Variants in COL26A1 observed in about 807,000 individuals in gnomAD.
COL26A1 encodes collagen type XXVI alpha 1 chain, also known as collagen alpha-1(XXVI) chain.
COL26A1 carries 41 observed loss-of-function variants against 59.3 expected under a neutral mutation model. The ratio of observed to expected loss-of-function variants is 0.69; its 90% CI spans 0.54 to 0.90. The LOEUF (loss-of-function observed/expected upper bound fraction) is 0.90. Ranked by LOEUF, COL26A1 falls within the 40% of genes least tolerant of loss-of-function variation. The probability of loss-of-function intolerance (pLI) is 0.00; values close to 1 mark genes in which losing one functional copy is unlikely to be tolerated. For missense variants in COL26A1, 612 were observed against 602.3 expected (o/e 1.02, Z -0.17); for synonymous variants, 266 against 256.0 (o/e 1.04, Z -0.37).
At chr7:101,436,454 G>A (rs1351320460) in intron 2 of COL26A1, among the ~76,000 whole-genome samples, 1 of 152,116 alleles carries the variant, frequency 6.6e-6, no homozygotes, top group Non-Finnish European at 1.5e-5. Context: ...GGGAGGAGTC[G>A]GGGGCGGGCA....
At chr7:101,496,579 A>G (rs898150602) in intron 3 of COL26A1, among the ~76,000 whole-genome samples, 3 of 152,116 alleles carry the variant, frequency 2.0e-5, no homozygotes, top group African/African-American at 7.2e-5. Context: ...TCCACAGGAA[A>G]GGGGTGCAGA....
chr7:101,555,965 C>A (rs1388429536), intron 12 of COL26A1, 94 bp downstream of exon 12: 1 of 1,110,590 alleles, frequency 9.0e-7, no homozygotes, highest in Non-Finnish European at 1.3e-6. Flanking sequence ...GGTCTCTGGT[C>A]TCCCTCCCTT....
At chr7:101,371,746 T>C (rs1048106252) in intron 1 of COL26A1, among the ~76,000 whole-genome samples, 1 of 152,274 alleles carries the variant, frequency 6.6e-6, no homozygotes, top group Admixed American at 6.5e-5. Context: ...GAGCTATGAT[T>C]ACACCACTGC....
intron 1 of COL26A1, among the ~76,000 whole-genome samples, chr7:101,399,550 C>T (rs778353860): frequency 6.6e-6 from 1 of 152,132 alleles, no homozygotes; most frequent in Non-Finnish European, 1.5e-5. Flanking sequence ...TCTTGAACTC[C>T]TGACCTCAGG....
intron 3 of COL26A1, among the ~76,000 whole-genome samples, chr7:101,467,791 C>T (rs1366452176): frequency 2.0e-5 from 3 of 151,860 alleles, no homozygotes; most frequent in Admixed American, 1.3e-4. Context: ...GGCATGAACC[C>T]GGGAAGCAGG....
chr7:101,545,090 G>A (rs564048789), intron 6 of COL26A1, among the ~76,000 whole-genome samples: 4 of 152,026 alleles, frequency 2.6e-5, no homozygotes, highest in Admixed American at 2.0e-4. Flanking sequence ...TGATTTCACC[G>A]TCCCTGCCCC....
chr7:101,449,747 C>G (rs1793284678), intron 3 of COL26A1, among the ~76,000 whole-genome samples: 1 of 152,148 alleles, frequency 6.6e-6, no homozygotes, highest in Admixed American at 6.5e-5. Context: ...CAAGACCACC[C>G]TTAGGTTTGA....
intron 4 of COL26A1, among the ~76,000 whole-genome samples, chr7:101,539,278 CTGTGTGTGTGTGTGTATGTGTGTGTG>C (rs1429739335): frequency 7.0e-6 from 1 of 142,250 alleles, no homozygotes; most frequent in Non-Finnish European, 1.5e-5. Flanking sequence ...CCTTTTCTGT[CTGTGTGTGTGTGTGTATGTGTGTGTG>C]TGTGTGTGTG....
At chr7:101,445,766 G>C (rs904154306) in intron 2 of COL26A1, among the ~76,000 whole-genome samples, 3 of 147,788 alleles carry the variant, frequency 2.0e-5, no homozygotes, top group African/African-American at 7.4e-5. Flanking sequence ...AGAGTGAGGG[G>C]GCACCAGGCG....
At chr7:101,551,237 G>GGGCC in intron 10 of COL26A1, 94 bp downstream of exon 10, 9 of 386,350 alleles carry the variant, frequency 2.3e-5, no homozygotes, top group East Asian at 2.3e-4. Flanking sequence ...TGGTGGGGGG[G>GGGCC]TTCAGCCCTG....
chr7:101,431,905 C>T (rs1166850768), intron 2 of COL26A1, among the ~76,000 whole-genome samples: 1 of 151,784 alleles, frequency 6.6e-6, no homozygotes, highest in Admixed American at 6.6e-5. Context: ...AATCCTCCTG[C>T]CTCAGCCTCC....
chr7:101,483,314 C>T (rs1334982169), intron 3 of COL26A1, among the ~76,000 whole-genome samples: 3 of 151,674 alleles, frequency 2.0e-5, no homozygotes, highest in Admixed American at 6.6e-5. Flanking sequence ...TCTCCTGCCT[C>T]AGTCGCCCAA....
chr7:101,387,772 A>ATTTTT lies in COL26A1; in HGVS notation c.158+24583_158+24584insTTTTT, dbSNP rs1374717696. ...TATATATTTATATATATATATATAT[A>ATTTTT]TATATATTTTTTTTTAAGACAGAGT... On this transcript the variant is annotated intron_variant, in intron 1 of 12. Transcript: ENST00000313669. Among the ~76,000 whole-genome samples the ATTTTT allele has an allele frequency of 8.2e-4, 35 of 42,510 alleles. 1 individual carries two copies. The highest frequency in any genetic ancestry group is 1.1e-3 in the Non-Finnish European group (22 of 20,710). 27.9% of individuals were successfully genotyped at this position (42,510 alleles called of 152,430 possible).
chr7:101,513,922 C>T (rs1794976331), intron 3 of COL26A1, among the ~76,000 whole-genome samples: 1 of 152,028 alleles, frequency 6.6e-6, no homozygotes, highest in African/African-American at 2.4e-5. Flanking sequence ...GACAGAACAA[C>T]CTAATAGGAA....
chr7:101,412,223 C>G (rs1007403705), intron 1 of COL26A1, among the ~76,000 whole-genome samples: 3 of 152,136 alleles, frequency 2.0e-5, no homozygotes, highest in Non-Finnish European at 4.4e-5. Context: ...ACCAGTGCGC[C>G]ATGTCAGTTT....
chr7:101,417,129 T>A (rs757010268), intron 1 of COL26A1, among the ~76,000 whole-genome samples: 4 of 152,238 alleles, frequency 2.6e-5, no homozygotes, highest in Non-Finnish European at 5.9e-5. Context: ...TTTGCTTTAC[T>A]ATTTTTTAAG....
At chr7:101,510,167 A>C (rs981192726) in intron 3 of COL26A1, among the ~76,000 whole-genome samples, 2 of 151,648 alleles carry the variant, frequency 1.3e-5, no homozygotes, top group Admixed American at 1.3e-4. Context: ...GACTACAGGC[A>C]ATCATCACCA....
Position 101,395,561 on chromosome 7 carries a change from C to T in COL26A1, c.159-24416C>T, listed in dbSNP as rs750614680. ...CCTGGGAAAAAAGCTCTTTAATCAG[C>T]GGGGCTGGAGGGAAAATGGCTCTGC... On this transcript the variant is annotated intron_variant, in intron 1 of 12. Transcript: ENST00000313669. Among the ~76,000 whole-genome samples the T allele has an allele frequency of 8.5e-4, 129 of 152,264 alleles. 1 individual carries two copies. Among genetic ancestry groups the T allele is most frequent in the Non-Finnish European group, 1.6e-3 (111 of 68,006 alleles).
intron 3 of COL26A1, among the ~76,000 whole-genome samples, chr7:101,478,874 A>G (rs1389636026): frequency 6.6e-6 from 1 of 152,200 alleles, no homozygotes; most frequent in Non-Finnish European, 1.5e-5. Context: ...TGCTGAATTC[A>G]TCATTTTGTA....
Sources: gnomAD v4.1 joint callset for allele counts (sites outside exome capture counted in the v4.1 genomes callset) on GRCh38, gnomAD v4.1.1 for gene constraint, MANE v1.5 for transcripts, NCBI Gene and HGNC (gene_info 2026-07-23, HGNC 2026-07-21) for gene names.